TTC6: variants seen among roughly 807,000 people sequenced by gnomAD.
TTC6 encodes tetratricopeptide repeat protein 6.
A neutral mutation model predicts 210.4 loss-of-function variants in TTC6; 172 were observed. The ratio of observed to expected loss-of-function variants is 0.82; its 90% CI spans 0.72 to 0.93. TTC6 has a LOEUF of 0.93. TTC6 is among the 40% of genes least tolerant of loss of function. The pLI is 0.00. For synonymous variants in TTC6, 804 were observed against 819.6 expected (o/e 0.98, Z 0.32); for missense variants, 2,414 against 2,318.1 (o/e 1.04, Z -0.85).
intron 7 of TTC6, among the ~76,000 whole-genome samples, chr14:37,734,839 A>G (rs2095897282): frequency 6.6e-6 from 1 of 152,240 alleles, no homozygotes; most frequent in South Asian, 2.1e-4. Flanking sequence ...GCAACCATTG[A>G]TTGTTAATAA....
intron 14 of TTC6, among the ~76,000 whole-genome samples, chr14:37,775,805 T>C (rs879361233): frequency 3.3e-5 from 5 of 152,176 alleles, no homozygotes; most frequent in Non-Finnish European, 7.3e-5. Flanking sequence ...GTCTCCTATG[T>C]TGGGTGCATA....
intron 14 of TTC6, among the ~76,000 whole-genome samples, chr14:37,769,415 G>C (rs2096010524): frequency 6.6e-6 from 1 of 152,004 alleles, no homozygotes. Flanking sequence ...GAATTCGGCT[G>C]TGAATCCATC....
intron 14 of TTC6, among the ~76,000 whole-genome samples, chr14:37,761,956 A>G (rs1285386858): frequency 1.3e-5 from 2 of 152,008 alleles, no homozygotes; most frequent in Admixed American, 1.3e-4. Context: ...GAAACATTGT[A>G]CTCTTTGACC....
At chr14:37,757,234 TTTC>T (rs1297819593) in intron 14 of TTC6, among the ~76,000 whole-genome samples, 2 of 151,850 alleles carry the variant, frequency 1.3e-5, no homozygotes, top group African/African-American at 2.4e-5. Flanking sequence ...ATTCTTCTCT[TTTC>T]TTCTTTATTT....
intron 14 of TTC6, among the ~76,000 whole-genome samples, chr14:37,761,420 C>T (rs2095984190): frequency 6.6e-6 from 1 of 152,036 alleles, no homozygotes; most frequent in African/African-American, 2.4e-5. Flanking sequence ...CTGGGAGCTG[C>T]AGACCAGAAC....
intron 1 of TTC6, among the ~76,000 whole-genome samples, chr14:37,635,381 C>A (rs1474630953): frequency 6.6e-6 from 1 of 151,742 alleles, no homozygotes; most frequent in African/African-American, 2.4e-5. Flanking sequence ...ATGTTGTTAC[C>A]CATAGGAAGG....
chr14:37,812,298 A>G lies in TTC6; in HGVS notation c.4570-16A>G, dbSNP rs2096131253. 6.2e-7 allele frequency: 1 copy of G among 1,607,058 alleles called. No homozygotes were observed. The highest frequency in any genetic ancestry group is 8.5e-7 in the Non-Finnish European group (1 of 1,177,454). ...CTCTAAAAAGTTGAATCTATGTTAC[A>G]AATGATTATTTTTAGGCATTAACAG... On this transcript the variant is annotated splice_polypyrimidine_tract_variant and intron_variant, in intron 24 of 30. Coordinates refer to ENST00000553443, the Ensembl canonical transcript of TTC6.
intron 3 of TTC6, among the ~76,000 whole-genome samples, chr14:37,695,804 T>C (rs1214506809): frequency 6.6e-6 from 1 of 151,102 alleles, no homozygotes; most frequent in Non-Finnish European, 1.5e-5. Context: ...AAACACTTCA[T>C]GTACCCCATG....
chr14:37,680,321 G>A, intron 2 of TTC6, 60 bp downstream of exon 4: 6 of 1,103,822 alleles, frequency 5.4e-6, no homozygotes, highest in Non-Finnish European at 7.7e-6. Context: ...GCTTCCTGTT[G>A]CTTGAATGTT....
At chr14:37,739,527 C>A (rs2095911960) in intron 10 of TTC6, among the ~76,000 whole-genome samples, 1 of 148,200 alleles carries the variant, frequency 6.7e-6, no homozygotes, top group Admixed American at 6.8e-5. Context: ...TGAGATCAGG[C>A]CACTGCACTC....
chr14:37,604,458 C>G (rs2095621452), intron 1 of TTC6, among the ~76,000 whole-genome samples: 1 of 152,116 alleles, frequency 6.6e-6, no homozygotes, highest in African/African-American at 2.4e-5. Flanking sequence ...CCCTTCCTCC[C>G]CCTAGGCGAG....
chr14:37,603,054 A>G (rs2095618726), intron 1 of TTC6, among the ~76,000 whole-genome samples: 3 of 152,162 alleles, frequency 2.0e-5, no homozygotes, highest in Admixed American at 2.0e-4. Context: ...GAGCTTCACA[A>G]ATTCCTGCAG....
At position 37,804,784 on chromosome 14, in the gene TTC6, T is replaced by C. The variant is rs779589409; in HGVS notation, c.4134T>C (p.Leu1378=). The C allele has an allele frequency of 6.1e-5, 99 of 1,614,118 alleles. No homozygotes were observed. The Middle Eastern group carries it at 1.2e-3, about 19-fold the overall frequency. Residue 1378 remains leucine (L), a synonymous_variant, in exon 21 of 31, where the codon CTT becomes CTC. Coordinates refer to ENST00000553443, the Ensembl canonical transcript of TTC6. ...CAGACTGTCTGTATAACTTGGGTCTTTGTTACATGGAGGAAGGCAATTTAC... is the reference window on the plus strand; with the variant it reads ...CAGACTGTCTGTATAACTTGGGTCTCTGTTACATGGAGGAAGGCAATTTAC...
At chr14:37,787,541 C>T (rs1323748969) in exon 15 of TTC6, 2 of 1,531,358 alleles carry the variant, frequency 1.3e-6, no homozygotes, top group South Asian at 2.4e-5. Context: ...TGCTGCAATT[C>T]ACTTAGATCC....
chr14:37,667,806 A>T (rs1025849856), intron 1 of TTC6, among the ~76,000 whole-genome samples: 2 of 150,564 alleles, frequency 1.3e-5, no homozygotes, highest in Non-Finnish European at 3.0e-5. Context: ...TACCTCCACT[A>T]AAGTTTATTC....
intron 28 of TTC6, 94 bp downstream of exon 30, chr14:37,826,441 T>C (rs10483494): frequency 0.94 from 1,052,490 of 1,123,876 alleles, 493,580 homozygotes; most frequent in Non-Finnish European, 0.95. Flanking sequence ...CTTTTTAAAG[T>C]GACTTATGGA....
At chr14:37,796,978 A>G in intron 20 of TTC6, 31 bp downstream of exon 22, 1 of 1,553,780 alleles carries the variant, frequency 6.4e-7, no homozygotes, top group Non-Finnish European at 8.7e-7. Context: ...TGTTTACTAA[A>G]CCTATTAATG....
intron 1 of TTC6, among the ~76,000 whole-genome samples, chr14:37,596,364 A>G (rs1190823819): frequency 1.3e-5 from 2 of 152,270 alleles, no homozygotes; most frequent in Non-Finnish European, 2.9e-5. Context: ...CAGAAGCCCG[A>G]GACTGCCCGC....
At chr14:37,632,769 G>C (rs1240826048) in intron 1 of TTC6, among the ~76,000 whole-genome samples, 1 of 152,228 alleles carries the variant, frequency 6.6e-6, no homozygotes, top group African/African-American at 2.4e-5. Context: ...AGTTTTATCT[G>C]TAAGCCATGA....
Sources: allele counts gnomAD v4.1 joint callset (sites outside exome capture counted in the v4.1 genomes callset), GRCh38; gene constraint gnomAD v4.1.1; transcripts MANE v1.5; gene names NCBI Gene and HGNC (gene_info 2026-07-23, HGNC 2026-07-21).